ARMH3: variants seen among roughly 807,000 people sequenced by gnomAD.
The protein encoded by ARMH3 is armadillo-like helical domain-containing protein 3.
A neutral mutation model predicts 99.1 loss-of-function variants in ARMH3; 60 were observed. That is an observed-to-expected ratio of 0.61 (90% CI 0.49 to 0.75). ARMH3 has a LOEUF of 0.75. Among genes scored for constraint, ARMH3 ranks in the 30% least tolerant of loss-of-function variants. The probability of loss-of-function intolerance (pLI) is 0.00; values close to 1 mark genes in which losing one functional copy is unlikely to be tolerated. For synonymous variants in ARMH3, 285 were observed against 292.8 expected (o/e 0.97, Z 0.27); for missense variants, 679 against 843.1 (o/e 0.81, Z 2.41).
chr10:101,970,748 C>T (rs1845728593), intron 20 of ARMH3, among the ~76,000 whole-genome samples: 1 of 151,944 alleles, frequency 6.6e-6, no homozygotes, highest in African/African-American at 2.4e-5. Flanking sequence ...TCCATTGGGC[C>T]CAGGAGGTCG....
At chr10:102,006,762 A>G in intron 13 of ARMH3, 129 bp from the exon 14 acceptor site, 4 of 713,644 alleles carry the variant, frequency 5.6e-6, no homozygotes, top group Non-Finnish European at 4.5e-6. Context: ...GCATCTTGCT[A>G]TGTTGTCCAA....
chr10:101,992,080 G>A (rs374632965), intron 17 of ARMH3, 42 bp from the exon 18 acceptor site: 73 of 1,501,368 alleles, frequency 4.9e-5, no homozygotes, highest in Non-Finnish European at 4.9e-5. Context: ...AGTAGACACC[G>A]GCACTGACAT....
At chr10:101,968,220 A>G (rs1303698275) in intron 20 of ARMH3, among the ~76,000 whole-genome samples, 1 of 151,976 alleles carries the variant, frequency 6.6e-6, no homozygotes, top group Non-Finnish European at 1.5e-5. Context: ...GCCTCTAACC[A>G]AGCATGCTCA....
chr10:101,950,798 A>G (rs1376552640), intron 22 of ARMH3, among the ~76,000 whole-genome samples: 1 of 152,188 alleles, frequency 6.6e-6, no homozygotes, highest in Non-Finnish European at 1.5e-5. Context: ...AGCTCAGGAG[A>G]TTGCAGTAAA....
chr10:101,892,081 C>T (rs1054795707), intron 23 of ARMH3, among the ~76,000 whole-genome samples: 4 of 151,942 alleles, frequency 2.6e-5, no homozygotes, highest in Non-Finnish European at 4.4e-5. Flanking sequence ...CACTGCACTC[C>T]AGCCTGGGTG....
intron 13 of ARMH3, 71 bp downstream of exon 13, chr10:102,009,303 G>C: frequency 7.2e-7 from 1 of 1,396,616 alleles, no homozygotes; most frequent in Non-Finnish European, 1.0e-6. Flanking sequence ...CAGCCAGATA[G>C]GCTTTTCAAT....
intron 22 of ARMH3, among the ~76,000 whole-genome samples, chr10:101,948,710 T>C (rs535607839): frequency 6.6e-6 from 1 of 151,986 alleles, no homozygotes; most frequent in East Asian, 1.9e-4. Flanking sequence ...GACAGAACAA[T>C]TTGTGAAAAC....
At chr10:101,884,735 G>T (rs2067498149) in intron 24 of ARMH3, among the ~76,000 whole-genome samples, 1 of 151,750 alleles carries the variant, frequency 6.6e-6, no homozygotes, top group Non-Finnish European at 1.5e-5. Context: ...GGACTTCTTG[G>T]ATTTGACACC....
At chr10:101,911,783 T>A (rs1842877655) in intron 23 of ARMH3, among the ~76,000 whole-genome samples, 1 of 152,202 alleles carries the variant, frequency 6.6e-6, no homozygotes, top group Admixed American at 6.5e-5. Flanking sequence ...ACGCCTGTAA[T>A]CCCAGCACTC....
intron 4 of ARMH3, among the ~76,000 whole-genome samples, chr10:102,031,941 T>A (rs891788236): frequency 6.6e-6 from 1 of 151,286 alleles, no homozygotes; most frequent in East Asian, 1.9e-4. Context: ...GGTTTCCCCC[T>A]GTTAGCCAGG....
chr10:102,009,333 T>C (rs756470018), intron 13 of ARMH3, 41 bp downstream of exon 13: 8 of 1,551,426 alleles, frequency 5.2e-6, no homozygotes, highest in South Asian at 3.4e-5. Flanking sequence ...CGGTATGAAA[T>C]TTAGAGAGAA....
chr10:101,989,080 T>C (rs972515786), intron 19 of ARMH3, among the ~76,000 whole-genome samples: 1 of 152,142 alleles, frequency 6.6e-6, no homozygotes, highest in African/African-American at 2.4e-5. Context: ...GAGGGAGCAA[T>C]TCTGATGTCA....
chr10:102,036,051 C>T (rs541168303), intron 2 of ARMH3, among the ~76,000 whole-genome samples: 1 of 151,438 alleles, frequency 6.6e-6, no homozygotes, highest in Non-Finnish European at 1.5e-5. Flanking sequence ...CGTCTCCGCC[C>T]GGCCGCCCCG....
intron 20 of ARMH3, among the ~76,000 whole-genome samples, chr10:101,967,415 T>C (rs927706491): frequency 2.0e-5 from 3 of 152,082 alleles, no homozygotes; most frequent in Admixed American, 2.0e-4. Flanking sequence ...CAGGAGAGAA[T>C]CTGAAGCCAA....
Position 101,977,213 on chromosome 10 carries a change from A to G in ARMH3, c.1407-1913T>C, listed in dbSNP as rs530317362. Among the ~76,000 whole-genome samples, 17 of 152,316 alleles carry G rather than the reference A, an allele frequency of 1.1e-4. No individual in the cohort carries two copies. In the East Asian group the frequency reaches 3.3e-3, roughly 29 times the overall value. The stretch of plus-strand genomic sequence containing the variant: ...ATCATTGGAATATTCAGGGTTATTC[A>G]CATCTCAATGACATATATGTTTCTG... On this transcript the variant is annotated intron_variant, in intron 19 of 25. Coordinates refer to ENST00000370033, the MANE Select transcript of ARMH3 (RefSeq NM_024541.3).
chr10:102,039,936 C>G lies in ARMH3; in HGVS notation c.102+77G>C, dbSNP rs145221593. ...CCCCAAGGAACCTGAAGGTAGCAGGCAGAGGTAAGGGTATTTCTCATCTTG... is the reference window on the plus strand; with the variant it reads ...CCCCAAGGAACCTGAAGGTAGCAGGGAGAGGTAAGGGTATTTCTCATCTTG... On this transcript the variant is annotated intron_variant, in intron 2 of 25. Transcript: ENST00000370033. 7.4e-6 allele frequency: 10 copies of G among 1,350,784 alleles called. No homozygotes were observed. The African/African-American group carries it at 8.7e-5, about 12-fold the overall frequency. The allele number at this position is 1,350,784 out of a possible 1,614,324, so 83.7% of individuals were successfully genotyped here.
chr10:101,913,437 C>G (rs929712520), intron 23 of ARMH3, among the ~76,000 whole-genome samples: 6 of 149,172 alleles, frequency 4.0e-5, no homozygotes, highest in African/African-American at 1.5e-4. Context: ...GCCACCACAG[C>G]TCGCTGCAGC....
chr10:101,863,841 T>C (rs2066927508), intron 24 of ARMH3, among the ~76,000 whole-genome samples: 1 of 151,896 alleles, frequency 6.6e-6, no homozygotes, highest in South Asian at 2.1e-4. Context: ...AGAGGTTGTA[T>C]CACAAGGTCA....
chr10:101,880,076 G>A lies in ARMH3; in HGVS notation c.1860+9336C>T, dbSNP rs144968277. On this transcript the variant is annotated intron_variant, in intron 24 of 25. Transcript: ENST00000370033. Reference sequence around the variant, plus strand: ...AAGGCAGGGTTGGATGGCCAGTGCCGGTGTCACATGCTCACACTCGAGAAT... The same window carrying A: ...AAGGCAGGGTTGGATGGCCAGTGCCAGTGTCACATGCTCACACTCGAGAAT... Among the ~76,000 whole-genome samples, 46 of 152,342 alleles carry A rather than the reference G, an allele frequency of 3.0e-4. No homozygotes were observed. In the East Asian group the frequency reaches 7.9e-3, roughly 26 times the overall value.
Sources: allele counts gnomAD v4.1 joint callset (sites outside exome capture counted in the v4.1 genomes callset), GRCh38; gene constraint gnomAD v4.1.1; transcripts MANE v1.5; gene names NCBI Gene and HGNC (gene_info 2026-07-23, HGNC 2026-07-21).